Variants in PHKB observed in about 807,000 individuals in gnomAD.
PHKB encodes phosphorylase b kinase regulatory subunit beta.
PHKB carries 122 observed loss-of-function variants against 152.1 expected under a neutral mutation model. The observed-to-expected ratio is 0.80, with a 90% CI of 0.69 to 0.93. PHKB has a LOEUF of 0.93. Ranked by LOEUF, PHKB falls within the 40% of genes least tolerant of loss-of-function variation. The probability of loss-of-function intolerance (pLI) is 0.00; values close to 1 mark genes in which losing one functional copy is unlikely to be tolerated. For missense variants in PHKB, 1,304 were observed against 1,328.4 expected, an observed-to-expected ratio of 0.98 and a Z score of 0.29; for synonymous variants, 436 against 464.9, an observed-to-expected ratio of 0.94 and a Z score of 0.80.
At chr16:47,525,668 G>A (rs1366443026) in intron 6 of PHKB, among the ~76,000 whole-genome samples, 7 of 152,008 alleles carry the variant, frequency 4.6e-5, no homozygotes, top group Non-Finnish European at 8.8e-5. Context: ...TTTGCTAGCC[G>A]AAAACAACGC....
intron 6 of PHKB, among the ~76,000 whole-genome samples, chr16:47,540,813 T>C (rs1971041872): frequency 7.0e-6 from 1 of 143,044 alleles, no homozygotes; most frequent in Non-Finnish European, 1.5e-5. Context: ...CTAATCTAAA[T>C]GTCCTGTTTT....
At chr16:47,615,922 C>G (rs1972506443) in intron 14 of PHKB, among the ~76,000 whole-genome samples, 1 of 152,098 alleles carries the variant, frequency 6.6e-6, no homozygotes, top group South Asian at 2.1e-4. Flanking sequence ...TAATTTGCAT[C>G]CCATACAATT....
intron 1 of PHKB, among the ~76,000 whole-genome samples, chr16:47,475,568 A>G (rs1216924923): frequency 1.3e-5 from 2 of 152,128 alleles, no homozygotes; most frequent in Non-Finnish European, 2.9e-5. Flanking sequence ...GTAGTGAGAA[A>G]CCCAGATGGA....
At chr16:47,464,948 C>T (rs114247072) in intron 1 of PHKB, among the ~76,000 whole-genome samples, 1,649 of 152,284 alleles carry the variant, frequency 0.011, 33 homozygotes, top group African/African-American at 0.037. Flanking sequence ...ACAGTGAAAA[C>T]TCCTTGGCTT....
chr16:47,671,988 G>A (rs1381482944), intron 26 of PHKB, among the ~76,000 whole-genome samples: 4 of 152,110 alleles, frequency 2.6e-5, no homozygotes, highest in Non-Finnish European at 5.9e-5. Flanking sequence ...TCTGTGTAAT[G>A]TATGTGTGCA....
chr16:47,688,946 G>A, intron 26 of PHKB, 95 bp from the exon 27 acceptor site: 1 of 1,309,766 alleles, frequency 7.6e-7, no homozygotes, highest in African/African-American at 1.4e-5. Flanking sequence ...ATTCTCCTTT[G>A]AATGGGTCAG....
intron 7 of PHKB, among the ~76,000 whole-genome samples, chr16:47,556,623 T>G (rs1376776993): frequency 1.3e-5 from 2 of 152,228 alleles, no homozygotes; most frequent in East Asian, 3.8e-4. Context: ...TGAAGCCCAC[T>G]TGATCATGGT....
Position 47,620,546 on chromosome 16 carries a change from C to T in PHKB, c.1458+9626C>T, listed in dbSNP as rs538728010. ...GGAAGGCCAGGCTCCAGGCTTCATT[C>T]TTTCCCACAGTATAGGTAATGCAGA... On this transcript the variant is annotated intron_variant, in intron 14 of 30. Coordinates refer to ENST00000323584, the MANE Select transcript of PHKB (RefSeq NM_000293.3). Among the ~76,000 whole-genome samples, 46 of 152,334 alleles carry T rather than the reference C, an allele frequency of 3.0e-4. No individual in the cohort carries two copies. The Middle Eastern group carries it at 0.017, about 56-fold the overall frequency.
At chr16:47,590,088 C>T (rs1972002376) in intron 10 of PHKB, among the ~76,000 whole-genome samples, 1 of 152,146 alleles carries the variant, frequency 6.6e-6, no homozygotes, top group Admixed American at 6.5e-5. Context: ...CTGTGCCTGG[C>T]TGAAAGGTAT....
chr16:47,641,934 T>C (rs1247148943), intron 16 of PHKB, among the ~76,000 whole-genome samples: 1 of 152,132 alleles, frequency 6.6e-6, no homozygotes, highest in African/African-American at 2.4e-5. Flanking sequence ...GTCTTGTTGA[T>C]TCCTACTTCT....
rs769068970 is a variant in PHKB at position 47,596,437 on chromosome 16, C to A, written c.1269C>A (p.Asn423Lys). ...ACTTTGTAGAATATGAAAAAAATAA[C>A]CCTGGTAGTCAAAAACGATTTCCTA... ...PADFVEYEKN[N>K]PGSQKRFPSN... is the part of the protein sequence containing the mutation. Residue 423 changes from asparagine to lysine, a missense_variant, in exon 13 of 31, where the codon AAC (asparagine) becomes AAA (lysine). Asn to Lys is a moderately conservative substitution (Grantham distance 94). Transcript: ENST00000323584. 13 of 1,612,348 alleles carry A rather than the reference C, an allele frequency of 8.1e-6. No homozygotes were observed. The Admixed American group carries it at 1.5e-4, about 19-fold the overall frequency.
intron 7 of PHKB, among the ~76,000 whole-genome samples, chr16:47,570,733 T>C (rs1229998686): frequency 6.6e-6 from 1 of 152,044 alleles, no homozygotes; most frequent in African/African-American, 2.4e-5. Context: ...TTGGATCTCA[T>C]TGAGTAACTT....
In PHKB at chr16:47,677,770, AT is replaced by A. The variant is rs575931158; in HGVS notation, c.2630+8367del. On this transcript the variant is annotated intron_variant, in intron 26 of 30. Transcript: ENST00000323584. ...TTAGTTAAATGCACAAAATCATCTA[AT>A]TTTTTTTTTTTTTATACTTTAAGTT... 8.0e-3 allele frequency among the ~76,000 whole-genome samples: 1,150 copies of A among 143,700 alleles called. 10 individuals are homozygous for A. Among genetic ancestry groups the A allele is most frequent in the Middle Eastern group, 0.022 (6 of 278 alleles). The allele number at this position is 143,700 out of a possible 152,430, so 94.3% of individuals were successfully genotyped here. A position where few individuals can be genotyped will look rare whatever the true frequency, so the allele number is the denominator to read the frequency against.
chr16:47,521,465 C>T (rs1837188425), intron 6 of PHKB, among the ~76,000 whole-genome samples: 1 of 152,064 alleles, frequency 6.6e-6, no homozygotes, highest in South Asian at 2.1e-4. Flanking sequence ...ACCAGCCTGA[C>T]CAATGTGATG....
chr16:47,575,342 A>C (rs1466898558), intron 7 of PHKB, among the ~76,000 whole-genome samples: 3 of 152,216 alleles, frequency 2.0e-5, no homozygotes, highest in Non-Finnish European at 2.9e-5. Flanking sequence ...CAGTAATCCC[A>C]CTACTGGATA....
At chr16:47,524,708 A>G (rs1023832511) in intron 6 of PHKB, among the ~76,000 whole-genome samples, 3 of 152,200 alleles carry the variant, frequency 2.0e-5, no homozygotes, top group Non-Finnish European at 4.4e-5. Flanking sequence ...CTCAGCCACC[A>G]TGGGAATGAA....
At chr16:47,583,278 T>C (rs1971880260) in intron 8 of PHKB, among the ~76,000 whole-genome samples, 1 of 152,228 alleles carries the variant, frequency 6.6e-6, no homozygotes, top group Non-Finnish European at 1.5e-5. Context: ...TCTACAGCAG[T>C]TAAATTAATA....
At chr16:47,631,091 C>T (rs747132884) in intron 14 of PHKB, among the ~76,000 whole-genome samples, 6 of 152,100 alleles carry the variant, frequency 3.9e-5, no homozygotes, top group Non-Finnish European at 8.8e-5. Context: ...TGCCTGCCTC[C>T]GTAATTGTGT....
chr16:47,540,277 C>A (rs1278683254), intron 6 of PHKB, among the ~76,000 whole-genome samples: 1 of 138,734 alleles, frequency 7.2e-6, no homozygotes, highest in East Asian at 2.4e-4. Flanking sequence ...AATTTGAGGT[C>A]AGACCAGTTC....
Sources: allele counts gnomAD v4.1 joint callset (sites outside exome capture counted in the v4.1 genomes callset), GRCh38; gene constraint gnomAD v4.1.1; transcripts MANE v1.5; gene names NCBI Gene and HGNC (gene_info 2026-07-23, HGNC 2026-07-21).